The following WNK2 variants were observed in gnomAD, a reference collection of about 807,000 sequenced individuals.
The protein encoded by WNK2 is WNK lysine deficient protein kinase 2.
WNK2 carries 67 observed loss-of-function variants against 192.1 expected under a neutral mutation model. The ratio of observed to expected loss-of-function variants is 0.35; its 90% confidence interval spans 0.29 to 0.43. The LOEUF is 0.43. Among genes scored for constraint, WNK2 ranks in the 20% least tolerant of loss-of-function variants. WNK2 has a pLI of 1.00. For missense variants in WNK2, 2,698 were observed against 3,089.7 expected, an observed-to-expected ratio of 0.87 and a Z score of 3.01; for synonymous variants, 1,439 against 1,393.9, an observed-to-expected ratio of 1.03 and a Z score of -0.72.
At chr9:93,266,176 G>A (rs1438786324) in intron 16 of WNK2, among the ~76,000 whole-genome samples, 1 of 152,186 alleles carries the variant, frequency 6.6e-6, no homozygotes, top group Non-Finnish European at 1.5e-5. Flanking sequence ...CTGTGGGACA[G>A]GCGCTGTTTA....
At chr9:93,189,902 G>T (rs1201186254) in intron 2 of WNK2, among the ~76,000 whole-genome samples, 1 of 152,238 alleles carries the variant, frequency 6.6e-6, no homozygotes, top group Admixed American at 6.5e-5. Context: ...GAAATGGGGA[G>T]AAGAGGAGAC....
intron 22 of WNK2, 28 bp from the exon 23 acceptor site, chr9:93,292,463 A>T: frequency 6.2e-7 from 1 of 1,611,264 alleles, no homozygotes. Context: ...TTCACATGAA[A>T]CCTCTTCATC....
intron 2 of WNK2, among the ~76,000 whole-genome samples, chr9:93,209,244 G>A (rs1401192396): frequency 6.6e-6 from 1 of 152,130 alleles, no homozygotes; most frequent in Non-Finnish European, 1.5e-5. Flanking sequence ...CGATCTCCTG[G>A]GGCTGTACGC....
intron 13 of WNK2, among the ~76,000 whole-genome samples, 158 bp from the exon 14 acceptor site, chr9:93,262,511 CT>C (rs1844446813): frequency 6.6e-6 from 1 of 152,212 alleles, no homozygotes; most frequent in Non-Finnish European, 1.5e-5. Context: ...GTGACGCCCC[CT>C]GGGTCGTACC....
At chr9:93,243,683 A>T (rs764229067) in intron 7 of WNK2, among the ~76,000 whole-genome samples, 1 of 152,162 alleles carries the variant, frequency 6.6e-6, no homozygotes, top group Non-Finnish European at 1.5e-5. Flanking sequence ...CCCCGGGAAC[A>T]GCTTGTGTGC....
chr9:93,302,932 T>TA (rs1287155067), intron 26 of WNK2, among the ~76,000 whole-genome samples: 1 of 151,396 alleles, frequency 6.6e-6, no homozygotes, highest in Non-Finnish European at 1.5e-5. Context: ...TCCCTTTTTT[T>TA]TTTTGAGACA....
At chr9:93,303,370 C>T (rs1240397094) in intron 26 of WNK2, among the ~76,000 whole-genome samples, 2 of 152,188 alleles carry the variant, frequency 1.3e-5, no homozygotes, top group African/African-American at 4.8e-5. Flanking sequence ...CATGTTCTGG[C>T]ACCCTGTGGG....
In WNK2 at chr9:93,255,897, T is replaced by C. The variant is rs532702663; in HGVS notation, c.2035-402T>C. On this transcript the variant is annotated intron_variant, in intron 9 of 29. Transcript: ENST00000427277. ...CGCCGCTGGAGTGCTCACATGCTGT[T>C]CCAGGGCCCGTTTCTCTCCATATCG... is the stretch of plus-strand genomic sequence containing the variant. 5.3e-5 allele frequency among the ~76,000 whole-genome samples: 8 copies of C among 152,328 alleles called. No homozygotes were observed. The South Asian group carries it at 1.7e-3, about 32-fold the overall frequency.
intron 2 of WNK2, among the ~76,000 whole-genome samples, chr9:93,201,464 G>A (rs1362239440): frequency 6.6e-6 from 1 of 152,264 alleles, no homozygotes; most frequent in Admixed American, 6.5e-5. Flanking sequence ...ACACATGCCT[G>A]GCCATGAGGC....
At chr9:93,277,950 G>T (rs1847189768) in intron 19 of WNK2, among the ~76,000 whole-genome samples, 1 of 152,064 alleles carries the variant, frequency 6.6e-6, no homozygotes, top group African/African-American at 2.4e-5. Context: ...AATAAAAAGG[G>T]CCCTTGTACT....
intron 5 of WNK2, 52 bp from the exon 6 acceptor site, chr9:93,238,181 C>T (rs1840140493): frequency 1.3e-6 from 2 of 1,571,006 alleles, no homozygotes; most frequent in Admixed American, 3.3e-5. Flanking sequence ...TGGTGGAGGC[C>T]TCGCCTTCCG....
intron 5 of WNK2, among the ~76,000 whole-genome samples, 182 bp from the exon 6 acceptor site, chr9:93,238,051 C>G (rs184323610): frequency 6.6e-6 from 1 of 152,102 alleles, no homozygotes; most frequent in Non-Finnish European, 1.5e-5. Flanking sequence ...TCCCAGAGCC[C>G]GCATTTGGCT....
intron 29 of WNK2, chr9:93,318,464 A>G (rs776117409): frequency 2.5e-6 from 4 of 1,614,112 alleles, no homozygotes; most frequent in East Asian, 4.5e-5. Context: ...CTTGCTCAGT[A>G]GGGAATGTCA....
At chr9:93,295,140 A>G (rs1158674108) in intron 23 of WNK2, among the ~76,000 whole-genome samples, 3 of 152,196 alleles carry the variant, frequency 2.0e-5, no homozygotes, top group African/African-American at 7.2e-5. Context: ...TGAGCAGCCC[A>G]GGGGCAGCTT....
chr9:93,238,204 G>A (rs1840148021), intron 5 of WNK2, 29 bp from the exon 6 acceptor site: 2 of 1,611,046 alleles, frequency 1.2e-6, no homozygotes, highest in Admixed American at 3.3e-5. Flanking sequence ...AGCCGATCGG[G>A]TCAGGTAACT....
chr9:93,259,457 C>T lies in WNK2; in HGVS notation c.2909C>T (p.Pro970Leu), dbSNP rs376859965. 35 of 1,483,720 alleles carry T rather than the reference C, an allele frequency of 2.4e-5. No homozygotes were observed. The highest frequency in any genetic ancestry group is 6.0e-5 in the Admixed American group (3 of 49,724). 91.9% of individuals were successfully genotyped at this position (1,483,720 alleles called of 1,614,324 possible). Reference sequence around the variant, plus strand: ...CTGCCCCCTCAACCTGTGTTGCCCCCGCAACCCACACGGCCCCCTCAACCT... The same window carrying T: ...CTGCCCCCTCAACCTGTGTTGCCCCTGCAACCCACACGGCCCCCTCAACCT... ...PTLPPQPVLP[P>L]QPTRPPQPVL... Residue 970 changes from proline to leucine, a missense_variant, in exon 12 of 30, where the codon CCG becomes CTG. Coordinates refer to ENST00000427277, the MANE Select transcript of WNK2 (RefSeq NM_006648.4). The surrounding 1 kb of genome is among the most constrained non-coding windows in gnomAD (Gnocchi z 4.8).
At chr9:93,245,334 C>T (rs1394680187) in intron 7 of WNK2, among the ~76,000 whole-genome samples, 1 of 152,238 alleles carries the variant, frequency 6.6e-6, no homozygotes, top group African/African-American at 2.4e-5. Context: ...TCGGGCCACT[C>T]AGGTCCCCAG....
intron 12 of WNK2, among the ~76,000 whole-genome samples, chr9:93,260,631 C>T (rs1205739089): frequency 6.6e-6 from 1 of 152,200 alleles, no homozygotes; most frequent in East Asian, 1.9e-4. Context: ...AGCCGTTCCT[C>T]CTGGCCATCA....
intron 28 of WNK2, among the ~76,000 whole-genome samples, chr9:93,310,367 G>A (rs1157362426): frequency 6.6e-6 from 1 of 152,196 alleles, no homozygotes; most frequent in Admixed American, 6.5e-5. Context: ...AGGATTAGCA[G>A]TGCTAACTGT....
Sources: gnomAD v4.1 joint callset for allele counts (sites outside exome capture counted in the v4.1 genomes callset) on GRCh38, gnomAD v4.1.1 for gene constraint, Gnocchi (gnomAD v3.1) non-coding constraint, MANE v1.5 for transcripts, NCBI Gene and HGNC (gene_info 2026-07-23, HGNC 2026-07-21) for gene names.